The following PCDH17 variants were observed in gnomAD, a reference collection of about 807,000 sequenced individuals.
The protein encoded by PCDH17 is protocadherin 17, also known as protocadherin-17.
A neutral mutation model predicts 67.7 loss-of-function variants in PCDH17; 21 were observed. The observed-to-expected ratio is 0.31, with a 90% CI of 0.22 to 0.45. The LOEUF (loss-of-function observed/expected upper bound fraction) is 0.45. Among genes scored for constraint, PCDH17 ranks in the 20% least tolerant of loss-of-function variants. The pLI is 1.00. For missense variants in PCDH17, 1,471 were observed against 1,564.8 expected, an observed-to-expected ratio of 0.94 and a Z score of 1.01; for synonymous variants, 701 against 656.7, an observed-to-expected ratio of 1.07 and a Z score of -1.03.
intron 3 of PCDH17, among the ~76,000 whole-genome samples, chr13:57,692,530 C>T (rs538299863): frequency 2.3e-4 from 35 of 151,126 alleles, no homozygotes; most frequent in African/African-American, 8.0e-4. Context: ...ATGTTTTATT[C>T]AATATATAAG....
At position 57,724,518 on chromosome 13, in the gene PCDH17, T is replaced by C; in HGVS notation, c.2798-94T>C. ...TCCTTTTTAATTAAGAGACCAGAGG[T>C]CAAGCAAGCCCATTGAGAGCTGATC... On this transcript the variant is annotated intron_variant, in intron 3 of 3. Coordinates refer to ENST00000377918, the MANE Select transcript of PCDH17 (RefSeq NM_001040429.3). 3 of 963,502 alleles carry C rather than the reference T, an allele frequency of 3.1e-6. No individual in the cohort carries two copies. In the South Asian group the frequency reaches 5.0e-5, roughly 16 times the overall value. The allele number at this position is 963,502 out of a possible 1,614,324, so 59.7% of individuals were successfully genotyped here. A position where few individuals can be genotyped will look rare whatever the true frequency, so the allele number is the denominator to read the frequency against.
intron 3 of PCDH17, among the ~76,000 whole-genome samples, chr13:57,712,924 C>T (rs956110095): frequency 3.3e-5 from 5 of 151,682 alleles, no homozygotes; most frequent in East Asian, 1.9e-4. Flanking sequence ...TCAATGGAAT[C>T]GCAGAAAATA....
At chr13:57,631,001 C>T (rs913300400), upstream of PCDH17, among the ~76,000 whole-genome samples, 1 of 152,134 alleles carries the variant, frequency 6.6e-6, no homozygotes, top group Non-Finnish European at 1.5e-5. Flanking sequence ...CTGGCTGGAC[C>T]GCCGCGGCCG....
rs764523929 is a variant in PCDH17, at chr13:57,634,814, G to A, written c.2268G>A (p.Lys756=). 3.1e-6 allele frequency: 5 copies of A among 1,614,078 alleles called. No individual in the cohort carries two copies. The highest frequency in any genetic ancestry group is 2.2e-5 in the East Asian group (1 of 44,846). Residue 756 remains lysine, a synonymous_variant, in exon 1 of 4, where the codon AAG becomes AAA. Transcript: ENST00000377918. The surrounding 1 kb of genome is among the most constrained non-coding windows in gnomAD (Gnocchi z 7.8). ...EYSHPQLGGG[K]GKKKKINKND... ...GCCACCCGCAGCTGGGTGGGGGCAA[G>A]GGCAAGAAGAAGAAGATCAACAAAA...
At position 57,714,775 on chromosome 13, in the gene PCDH17, G is replaced by T. The variant is rs1010015667; in HGVS notation, c.2798-9837G>T. ...TTAATTAATTCATATGTTGATGATA[G>T]CTGTTGGCTAAAGTGTAAGATACAG... On this transcript the variant is annotated intron_variant, in intron 3 of 3. Transcript: ENST00000377918. Among the ~76,000 whole-genome samples, 6 of 151,650 alleles carry T rather than the reference G, an allele frequency of 4.0e-5. No homozygotes were observed. The South Asian group carries it at 1.0e-3, about 26-fold the overall frequency.
rs149430626 is a variant in PCDH17, at chr13:57,639,502, A to T, written c.2565+4391A>T. 4.2e-4 allele frequency among the ~76,000 whole-genome samples: 64 copies of T among 151,978 alleles called. 1 individual carries two copies. In the East Asian group the frequency reaches 0.012, roughly 28 times the overall value. On this transcript the variant is annotated intron_variant, in intron 1 of 3. Coordinates refer to ENST00000377918, the MANE Select transcript of PCDH17 (RefSeq NM_001040429.3). ...CAGAAAGTATAAAGCTAGAAACCAG[A>T]GAATCTTGTTTTTAATATTAACTAA...
At chr13:57,690,497 G>A (rs915035573) in intron 3 of PCDH17, among the ~76,000 whole-genome samples, 2 of 151,550 alleles carry the variant, frequency 1.3e-5, no homozygotes, top group African/African-American at 4.8e-5. Context: ...TGATGTGTAA[G>A]GGAGTTCAAG....
intron 3 of PCDH17, among the ~76,000 whole-genome samples, chr13:57,676,506 TC>T (rs1955392618): frequency 6.6e-6 from 1 of 151,868 alleles, no homozygotes; most frequent in Admixed American, 6.6e-5. Context: ...AGTTTGGCAA[TC>T]AGAGAGGTCA....
chr13:57,725,200 G>A lies in PCDH17; in HGVS notation c.3386G>A (p.Gly1129Asp). The change falls in exon 4 of 4, where the codon GGC (glycine) becomes GAC (aspartate). Residue 1129 changes from glycine to aspartate, a missense_variant. Physicochemically the swap from Gly to Asp is moderately conservative, Grantham distance 94. This residue lies in a region of PCDH17 where 297 missense variants were observed against 298.6 expected (regional missense o/e 0.99). Coordinates refer to ENST00000377918, the MANE Select transcript of PCDH17 (RefSeq NM_001040429.3). ...CTTGACCACCCCAACAGGGATCTGG[G>A]CAGAGAGTCTGTGGATGCAGAGGAA... The part of the protein sequence containing the change: ...EQLDHPNRDL[G>D]RESVDAEEVV... The A allele has an allele frequency of 6.2e-7, 1 of 1,614,082 alleles. No individual in the cohort carries two copies. Among genetic ancestry groups the A allele is most frequent in the Non-Finnish European group, 8.5e-7 (1 of 1,180,000 alleles).
intron 3 of PCDH17, among the ~76,000 whole-genome samples, chr13:57,678,124 T>C (rs1955412684): frequency 6.8e-6 from 1 of 146,022 alleles, no homozygotes; most frequent in African/African-American, 2.5e-5. Flanking sequence ...TTTAACTATT[T>C]CACTCTCTCT....
chr13:57,693,077 A>G (rs1955573648), intron 3 of PCDH17, among the ~76,000 whole-genome samples: 1 of 150,460 alleles, frequency 6.6e-6, no homozygotes, highest in Non-Finnish European at 1.5e-5. Flanking sequence ...ATAGGAGGTT[A>G]TAGTTTTTGT....
chr13:57,632,494 C>A lies in PCDH17; in HGVS notation c.-53C>A. ...CAGGGCCCCAGGCTGGCGCGCACTCCCTCTCTGGCTCCTCCAGTCCGATTG... is the reference window on the plus strand; with the variant it reads ...CAGGGCCCCAGGCTGGCGCGCACTCACTCTCTGGCTCCTCCAGTCCGATTG... On this transcript the variant is annotated 5_prime_UTR_variant, in exon 1 of 4. Transcript: ENST00000377918. 6.4e-7 allele frequency: 1 copy of A among 1,553,750 alleles called. No individual in the cohort carries two copies. The highest frequency in any genetic ancestry group is 8.7e-7 in the Non-Finnish European group (1 of 1,148,258).
intron 3 of PCDH17, among the ~76,000 whole-genome samples, chr13:57,697,295 GATTTAGCAAATTTTTGCATGTGT>G (rs1226619272): frequency 6.6e-6 from 1 of 151,662 alleles, no homozygotes; most frequent in African/African-American, 2.4e-5. Context: ...GCAGAACAGT[GATTTAGCAAATTTTTGCATGTGT>G]TCTGTGCTAG....
At chr13:57,720,955 AAAC>A (rs1955867751) in intron 3 of PCDH17, among the ~76,000 whole-genome samples, 1 of 152,158 alleles carries the variant, frequency 6.6e-6, no homozygotes, top group African/African-American at 2.4e-5. Flanking sequence ...TCTTAATACT[AAAC>A]AAGTGTTTAA....
intron 3 of PCDH17, among the ~76,000 whole-genome samples, chr13:57,675,154 C>T (rs1955376773): frequency 1.3e-5 from 2 of 151,852 alleles, no homozygotes; most frequent in Non-Finnish European, 2.9e-5. Context: ...GATTCTTGAT[C>T]CTTTAACATA....
rs1412144769 is a variant in PCDH17 at position 57,725,929 on chromosome 13, G to A, written c.*635G>A. 6.6e-6 allele frequency: 1 copy of A among 152,280 alleles called. No homozygotes were observed. The allele number at this position is 152,280 out of a possible 1,614,324, so 9.4% of individuals were successfully genotyped here. On this transcript the variant is annotated 3_prime_UTR_variant, in exon 4 of 4. Transcript: ENST00000377918. The stretch of plus-strand genomic sequence containing the variant: ...AAACAAAAACAAAAAAAAAACCTTT[G>A]GTCATTTGTAAGACATCTCATGTCA...
At chr13:57,669,514 A>G (rs1053068330) in intron 3 of PCDH17, among the ~76,000 whole-genome samples, 4 of 151,686 alleles carry the variant, frequency 2.6e-5, no homozygotes, top group African/African-American at 7.3e-5. Flanking sequence ...TATTTTATCT[A>G]TCTGTCAGTC....
intron 1 of PCDH17, among the ~76,000 whole-genome samples, chr13:57,639,227 C>T (rs1004434734): frequency 6.6e-6 from 1 of 151,730 alleles, no homozygotes; most frequent in Admixed American, 6.6e-5. Flanking sequence ...CTTGAGAGTA[C>T]ACAATAATTA....
At chr13:57,677,633 C>T (rs1300025329) in intron 3 of PCDH17, among the ~76,000 whole-genome samples, 2 of 151,680 alleles carry the variant, frequency 1.3e-5, no homozygotes, top group African/African-American at 2.4e-5. Flanking sequence ...TCACAGTGGC[C>T]GAAGCTACGC....
Sources: gnomAD v4.1 joint callset for allele counts (sites outside exome capture counted in the v4.1 genomes callset) on GRCh38, gnomAD v4.1.1 for gene constraint, gnomAD v4.1.1 regional missense constraint, Gnocchi (gnomAD v3.1) non-coding constraint, MANE v1.5 for transcripts, NCBI Gene and HGNC (gene_info 2026-07-23, HGNC 2026-07-21) for gene names.